The following CBR4 variants were observed in gnomAD, a reference collection of about 807,000 sequenced individuals.
CBR4 encodes the protein carbonyl reductase 4.
A neutral mutation model predicts 21.0 loss-of-function variants in CBR4; 22 were observed. That is an observed-to-expected ratio of 1.05 (90% CI 0.75 to 1.50). The LOEUF (loss-of-function observed/expected upper bound fraction) is 1.50. Ranked by LOEUF, CBR4 falls within the 40% of genes most tolerant of loss-of-function variation. CBR4 has a pLI of 0.00. For missense variants in CBR4, 302 were observed against 286.3 expected (o/e 1.05, Z -0.40); for synonymous variants, 100 against 104.4 (o/e 0.96, Z 0.26).
intron 2 of CBR4, among the ~76,000 whole-genome samples, chr4:168,924,792 T>C (rs1342690032): frequency 9.2e-5 from 14 of 152,252 alleles, no homozygotes; most frequent in Admixed American, 8.5e-4. Flanking sequence ...CCATTAACTT[T>C]AATGGAGCTA....
At chr4:168,927,194 A>G (rs575081713) in intron 2 of CBR4, 10 of 230,460 alleles carry the variant, frequency 4.3e-5, no homozygotes, top group Non-Finnish European at 6.9e-5. Flanking sequence ...TGGAGGAATC[A>G]GGGGTTTGGA....
At chr4:168,931,399 C>T (rs911954738) in intron 2 of CBR4, among the ~76,000 whole-genome samples, 9 of 151,618 alleles carry the variant, frequency 5.9e-5, no homozygotes, top group Admixed American at 2.6e-4. Flanking sequence ...ACCTTCCCAG[C>T]AGCCCTGTGC....
intron 3 of CBR4, chr4:169,005,438 A>G (rs1341407289): frequency 1.3e-5 from 2 of 156,216 alleles, no homozygotes; most frequent in South Asian, 1.9e-4. Flanking sequence ...TGAAATACCA[A>G]TGAAGTGTCT....
intron 2 of CBR4, among the ~76,000 whole-genome samples, chr4:168,959,172 T>A (rs1471511179): frequency 6.6e-6 from 1 of 152,212 alleles, no homozygotes; most frequent in Non-Finnish European, 1.5e-5. Context: ...AGTTTTAGTT[T>A]TTAGATTTAT....
rs544058848 is a variant in CBR4, at chr4:168,953,123, A to G, written n.169+48948T>C. Reference sequence around the variant, plus strand: ...TGTGGAGGATGTGGGTGAGGTTCCCAGGTCAATGGAGTTGTGTACCTGGGA... The same window carrying G: ...TGTGGAGGATGTGGGTGAGGTTCCCGGGTCAATGGAGTTGTGTACCTGGGA... On this transcript the variant is annotated intron_variant and non_coding_transcript_variant, in intron 2 of 3. Transcript: ENST00000509108. Among the ~76,000 whole-genome samples, 13 of 152,274 alleles carry G rather than the reference A, an allele frequency of 8.5e-5. No individual in the cohort carries two copies. The South Asian group carries it at 1.4e-3, about 17-fold the overall frequency.
At chr4:168,964,656 G>A (rs186857397) in intron 2 of CBR4, among the ~76,000 whole-genome samples, 17 of 152,304 alleles carry the variant, frequency 1.1e-4, no homozygotes, top group Admixed American at 5.2e-4. Context: ...AACTCTAATG[G>A]AGGAGAGGAC....
chr4:168,970,223 A>T (rs1259147099), intron 2 of CBR4, among the ~76,000 whole-genome samples: 1 of 152,208 alleles, frequency 6.6e-6, no homozygotes, highest in East Asian at 1.9e-4. Context: ...GATAAATAAA[A>T]GGACTTAATT....
chr4:168,983,446 T>C (rs1436288887), downstream of CBR4, among the ~76,000 whole-genome samples: 1 of 151,964 alleles, frequency 6.6e-6, no homozygotes, highest in Non-Finnish European at 1.5e-5. Context: ...GAAAAAGCCC[T>C]GGACAAGAAA....
In CBR4 at chr4:168,922,102, TACAC is replaced by T. The variant is rs35503011; in HGVS notation, n.170-27341_170-27338del. 3.3e-3 allele frequency among the ~76,000 whole-genome samples: 434 copies of T among 132,598 alleles called. 2 individuals are homozygous for T. Among genetic ancestry groups the T allele is most frequent in the Admixed American group, 6.0e-3 (81 of 13,422 alleles). The allele number at this position is 132,598 out of a possible 152,430, so 87.0% of individuals were successfully genotyped here. On this transcript the variant is annotated intron_variant and non_coding_transcript_variant, in intron 2 of 3. Transcript: ENST00000509108. ...TTTTATATTTATATATATATATATA[TACAC>T]ACACACACACACACACACACACACA...
At chr4:168,949,421 A>C (rs1232174269) in intron 2 of CBR4, among the ~76,000 whole-genome samples, 1 of 152,116 alleles carries the variant, frequency 6.6e-6, no homozygotes, top group Non-Finnish European at 1.5e-5. Context: ...AAGTGATGAG[A>C]GTGGGCATCC....
chr4:168,907,288 A>C (rs1582078783), intron 2 of CBR4, among the ~76,000 whole-genome samples: 1 of 152,190 alleles, frequency 6.6e-6, no homozygotes, highest in South Asian at 2.1e-4. Flanking sequence ...AAGCCTGTGG[A>C]ACCAGATGTA....
chr4:169,002,984 GCTCA>G (rs910559875), intron 3 of CBR4, among the ~76,000 whole-genome samples: 7 of 152,058 alleles, frequency 4.6e-5, no homozygotes, highest in Admixed American at 6.5e-5. Flanking sequence ...AAATATTACT[GCTCA>G]CTGACAATGC....
chr4:168,983,001 C>G (rs1764586003), downstream of CBR4, among the ~76,000 whole-genome samples: 2 of 152,082 alleles, frequency 1.3e-5, no homozygotes, highest in African/African-American at 4.8e-5. Context: ...CCTAACATCA[C>G]ACCTAGGGAA....
At chr4:169,003,079 T>C (rs1384297015) in intron 3 of CBR4, among the ~76,000 whole-genome samples, 1 of 152,208 alleles carries the variant, frequency 6.6e-6, no homozygotes, top group Non-Finnish European at 1.5e-5. Context: ...ATATCCTTTC[T>C]TCAGCTCATG....
At chr4:168,956,762 A>G (rs757288506) in intron 2 of CBR4, among the ~76,000 whole-genome samples, 3 of 152,150 alleles carry the variant, frequency 2.0e-5, no homozygotes, top group Non-Finnish European at 4.4e-5. Context: ...ACAGGCTTAG[A>G]GAAAGGATAT....
Position 168,990,173 on chromosome 4 carries a change from C to T in CBR4, c.691G>A (p.Gly231Arg), listed in dbSNP as rs963272512. ...AATTACAAAATGAGTTGTAATCCCC[C>T]ATCCACTACCAGAACATGCCCTGTA... Reference protein sequence around the residue: ...YITGHVLVVDGGLQLIL With the variant: ...YITGHVLVVDRGLQLIL The change falls in exon 5 of 5, where the codon GGG becomes AGG. Residue 231 changes from glycine to arginine, a missense_variant. By Grantham distance (125) the Gly-to-Arg change is moderately radical. Transcript: ENST00000306193. 1 of 1,605,892 alleles carries T rather than the reference C, an allele frequency of 6.2e-7. No homozygotes were observed. The highest frequency in any genetic ancestry group is 8.5e-7 in the Non-Finnish European group (1 of 1,176,452).
intron 2 of CBR4, chr4:168,926,399 T>G (rs1468376746): frequency 6.5e-7 from 1 of 1,532,770 alleles, no homozygotes; most frequent in Non-Finnish European, 8.8e-7. Context: ...AGCATTCTTG[T>G]TAAAGCTGAA....
intron 2 of CBR4, among the ~76,000 whole-genome samples, chr4:168,973,189 G>A (rs1396873650): frequency 1.3e-5 from 2 of 152,100 alleles, no homozygotes. Context: ...TTTTGTTGTG[G>A]AGTTTTGCAT....
intron 2 of CBR4, among the ~76,000 whole-genome samples, chr4:168,950,244 G>A (rs568416119): frequency 6.6e-6 from 1 of 152,092 alleles, no homozygotes; most frequent in Admixed American, 6.6e-5. Flanking sequence ...AGGCATTTAG[G>A]GCTATGAACT....
Sources: gnomAD v4.1 joint callset for allele counts (sites outside exome capture counted in the v4.1 genomes callset) on GRCh38, gnomAD v4.1.1 for gene constraint, MANE v1.5 for transcripts, NCBI Gene and HGNC (gene_info 2026-07-23, HGNC 2026-07-21) for gene names.